The following FAM227B variants were observed in gnomAD, a reference collection of about 807,000 sequenced individuals.
The protein encoded by FAM227B is protein FAM227B.
Under a neutral mutation model 73.8 loss-of-function variants are expected in FAM227B, and 88 were observed. That is an observed-to-expected ratio of 1.19 (90% CI 1.00 to 1.42). The LOEUF (loss-of-function observed/expected upper bound fraction) is 1.42, where lower values mean the gene tolerates loss of function less well. Ranked by LOEUF, FAM227B falls within the 40% of genes most tolerant of loss-of-function variation. The pLI is 0.00. For missense variants in FAM227B, 632 were observed against 590.9 expected, an observed-to-expected ratio of 1.07 and a Z score of -0.72; for synonymous variants, 210 against 190.5, an observed-to-expected ratio of 1.10 and a Z score of -0.84.
chr15:49,382,387 A>C (rs1044520260), intron 11 of FAM227B, among the ~76,000 whole-genome samples: 13 of 152,108 alleles, frequency 8.5e-5, no homozygotes, highest in African/African-American at 2.9e-4. Context: ...TTAAGAAAAG[A>C]TGAATCATTG....
chr15:49,543,067 C>G (rs2071312410), intron 9 of FAM227B, among the ~76,000 whole-genome samples: 1 of 152,082 alleles, frequency 6.6e-6, no homozygotes, highest in Admixed American at 6.6e-5. Flanking sequence ...ACTTTTAGTT[C>G]TTTGAGTAAT....
At chr15:49,356,081 C>CT (rs200271808) in intron 13 of FAM227B, among the ~76,000 whole-genome samples, 24,485 of 151,888 alleles carry the variant, frequency 0.16, 3,115 homozygotes, top group African/African-American at 0.35. Flanking sequence ...ACAAGAGCTC[C>CT]TGAAGGAAGC....
chr15:49,504,686 C>A (rs546895455), intron 11 of FAM227B, among the ~76,000 whole-genome samples: 51 of 152,276 alleles, frequency 3.3e-4, no homozygotes, highest in East Asian at 9.7e-4. Flanking sequence ...CCTGCTCCCC[C>A]TTTGCTTTCT....
At chr15:49,463,869 A>G (rs2054023594) in intron 11 of FAM227B, among the ~76,000 whole-genome samples, 1 of 152,208 alleles carries the variant, frequency 6.6e-6, no homozygotes, top group South Asian at 2.1e-4. Flanking sequence ...GCACAGAAAT[A>G]TCGTTTTTTA....
intron 10 of FAM227B, among the ~76,000 whole-genome samples, chr15:49,510,642 T>C (rs1395949641): frequency 6.6e-6 from 1 of 152,146 alleles, no homozygotes; most frequent in East Asian, 1.9e-4. Flanking sequence ...TTCACCAGTA[T>C]TTTGGAGATT....
chr15:49,611,724 AT>A (rs1482561763), intron 2 of FAM227B, among the ~76,000 whole-genome samples: 3 of 152,190 alleles, frequency 2.0e-5, no homozygotes, highest in South Asian at 4.1e-4. Context: ...TAAAAATCAC[AT>A]TTTTTAGTAG....
At chr15:49,566,682 G>A (rs189601319) in intron 9 of FAM227B, among the ~76,000 whole-genome samples, 1 of 152,176 alleles carries the variant, frequency 6.6e-6, no homozygotes, top group Non-Finnish European at 1.5e-5. Context: ...ATGAGATCCT[G>A]AAGGCAGGTG....
At chr15:49,564,927 C>T (rs1027006773) in intron 9 of FAM227B, among the ~76,000 whole-genome samples, 1 of 151,878 alleles carries the variant, frequency 6.6e-6, no homozygotes, top group African/African-American at 2.4e-5. Context: ...ATACAATATA[C>T]CCACGTAACG....
At chr15:49,495,916 G>T (rs1431047248) in intron 11 of FAM227B, among the ~76,000 whole-genome samples, 1 of 152,084 alleles carries the variant, frequency 6.6e-6, no homozygotes, top group East Asian at 1.9e-4. Context: ...CCAGCTACTT[G>T]GGAGACTGAG....
chr15:49,438,823 T>G (rs1203890757), intron 11 of FAM227B, among the ~76,000 whole-genome samples: 2 of 120,728 alleles, frequency 1.7e-5, no homozygotes, highest in African/African-American at 2.9e-5. Context: ...TTACCAATAG[T>G]GCTAAGCAAC....
chr15:49,548,289 T>C (rs1241036480), intron 9 of FAM227B, among the ~76,000 whole-genome samples: 1 of 152,242 alleles, frequency 6.6e-6, no homozygotes, highest in Non-Finnish European at 1.5e-5. Flanking sequence ...ATATGGGTTT[T>C]ATCCTTCATT....
At chr15:49,594,109 T>C (rs1328252989) in intron 3 of FAM227B, among the ~76,000 whole-genome samples, 2 of 152,068 alleles carry the variant, frequency 1.3e-5, no homozygotes, top group Non-Finnish European at 2.9e-5. Flanking sequence ...TTTTTTAATT[T>C]TGGCAATTCT....
At position 49,478,621 on chromosome 15, in the gene FAM227B, T is replaced by A. The variant is rs1049208058; in HGVS notation, c.1012+29590A>T. On this transcript the variant is annotated intron_variant, in intron 11 of 15. Coordinates refer to ENST00000299338, the MANE Select transcript of FAM227B (RefSeq NM_152647.3). ...GGGTATATTTGATCAAGGACAAGAT[T>A]AAATGTTCTGATTGGCTAACCATCA... 6.6e-5 allele frequency among the ~76,000 whole-genome samples: 10 copies of A among 152,154 alleles called. 1 individual carries two copies. The highest frequency in any genetic ancestry group is 1.5e-4 in the Non-Finnish European group (10 of 68,014).
At chr15:49,366,761 T>C in intron 13 of FAM227B, 1 of 714,338 alleles carries the variant, frequency 1.4e-6, no homozygotes, top group Non-Finnish European at 2.3e-6. Context: ...GCCACTGCGC[T>C]GCCTCCGTGG....
intron 3 of FAM227B, among the ~76,000 whole-genome samples, chr15:49,599,767 G>T (rs941943254): frequency 6.6e-6 from 1 of 152,094 alleles, no homozygotes; most frequent in Non-Finnish European, 1.5e-5. Context: ...GTGGTCACAA[G>T]AGGTACTTGA....
intron 10 of FAM227B, among the ~76,000 whole-genome samples, chr15:49,532,746 C>G (rs1256329676): frequency 6.6e-6 from 1 of 151,678 alleles, no homozygotes; most frequent in Non-Finnish European, 1.5e-5. Flanking sequence ...ACAAAGTAAA[C>G]AGATGAAGAA....
rs148504553 is a variant in FAM227B at position 49,526,506 on chromosome 15, C to T, written c.874+15174G>A. 3.2e-3 allele frequency among the ~76,000 whole-genome samples: 483 copies of T among 152,090 alleles called. 2 individuals carry two copies. The highest frequency in any genetic ancestry group is 4.4e-3 in the Non-Finnish European group (296 of 67,944). On this transcript the variant is annotated intron_variant, in intron 10 of 15. Coordinates refer to ENST00000299338, the MANE Select transcript of FAM227B (RefSeq NM_152647.3). ...AAGGAACTAGAAAAACAAGAACAAA[C>T]TAAACCCAAAGCTACAAGAAGAAAA...
intron 11 of FAM227B, among the ~76,000 whole-genome samples, chr15:49,413,501 C>T (rs2049009726): frequency 6.6e-6 from 1 of 152,066 alleles, no homozygotes; most frequent in Non-Finnish European, 1.5e-5. Context: ...CAGTCTCCAA[C>T]ATACATCTAA....
intron 3 of FAM227B, among the ~76,000 whole-genome samples, chr15:49,597,957 G>A (rs954293172): frequency 2.0e-5 from 3 of 151,744 alleles, no homozygotes; most frequent in African/African-American, 7.3e-5. Context: ...CAAATAATGA[G>A]CAGTAATATT....
Sources: allele counts gnomAD v4.1 joint callset (sites outside exome capture counted in the v4.1 genomes callset), GRCh38; gene constraint gnomAD v4.1.1; transcripts MANE v1.5; gene names NCBI Gene and HGNC (gene_info 2026-07-23, HGNC 2026-07-21).